LIPA: variants seen among roughly 807,000 people sequenced by gnomAD.
LIPA encodes the protein lysosomal acid lipase/cholesteryl ester hydrolase.
Under a neutral mutation model 40.6 loss-of-function variants are expected in LIPA, and 26 were observed. The ratio of observed to expected loss-of-function variants is 0.64; its 90% confidence interval spans 0.47 to 0.89. LIPA has a LOEUF of 0.89. Ranked by LOEUF, LIPA falls within the 40% of genes least tolerant of loss-of-function variation. The pLI, the probability that LIPA is intolerant of heterozygous loss-of-function variation, is 0.00. For missense variants in LIPA, 455 were observed against 479.6 expected (o/e 0.95, Z 0.48); for synonymous variants, 188 against 168.4 (o/e 1.12, Z -0.90).
chr10:89,223,165 T>C (rs1007994458), intron 7 of LIPA, among the ~76,000 whole-genome samples: 3 of 152,184 alleles, frequency 2.0e-5, no homozygotes, highest in African/African-American at 7.2e-5. Flanking sequence ...ATAGTAATTT[T>C]TGAAAATTTG....
intron 2 of LIPA, among the ~76,000 whole-genome samples, chr10:89,394,361 A>G (rs1844302350): frequency 6.6e-6 from 1 of 152,110 alleles, no homozygotes; most frequent in Non-Finnish European, 1.5e-5. Context: ...TACAATAAGG[A>G]ATCTTAGATT....
chr10:89,307,000 T>A, intron 1 of LIPA: 1 of 1,613,956 alleles, frequency 6.2e-7, no homozygotes, highest in Non-Finnish European at 8.5e-7. Flanking sequence ...CTCTAGCAGA[T>A]CAGTATGAAG....
chr10:89,283,059 C>T (rs1038100187), intron 1 of LIPA, among the ~76,000 whole-genome samples: 7 of 152,322 alleles, frequency 4.6e-5, no homozygotes, highest in African/African-American at 1.4e-4. Flanking sequence ...TTAAGTTTCA[C>T]TTAAAGCTGC....
intron 1 of LIPA, among the ~76,000 whole-genome samples, chr10:89,333,927 C>T (rs1843689692): frequency 1.3e-5 from 2 of 152,218 alleles, no homozygotes; most frequent in South Asian, 4.1e-4. Context: ...AGAAGTCCGG[C>T]TCTGGAGAGT....
intron 3 of LIPA, among the ~76,000 whole-genome samples, chr10:89,237,719 A>G (rs1589565763): frequency 6.6e-6 from 1 of 152,318 alleles, no homozygotes; most frequent in Non-Finnish European, 1.5e-5. Context: ...GGTTCCATTG[A>G]TGCTTTTTTC....
Position 89,223,771 on chromosome 10 carries a change from G to C in LIPA, c.735C>G (p.Thr245=). Residue 245 remains threonine, a synonymous_variant, in exon 7 of 10, where the codon ACC becomes ACG. Coordinates refer to ENST00000336233, the MANE Select transcript of LIPA (RefSeq NM_000235.4). ...TCAGTATGACATGAGTGCAAACGTG[G>C]GTACCCAGCCACTTCAAAAACGCAC... The part of the protein sequence containing the change: ...PQSAFLKWLG[T]HVCTHVILKE... The C allele has an allele frequency of 6.2e-7, 1 of 1,613,820 alleles. No individual in the cohort carries two copies. The highest frequency in any genetic ancestry group is 1.1e-5 in the South Asian group (1 of 91,066).
intron 1 of LIPA, among the ~76,000 whole-genome samples, chr10:89,331,300 T>C (rs1843647212): frequency 6.6e-6 from 1 of 152,080 alleles, no homozygotes; most frequent in African/African-American, 2.4e-5. Context: ...GCCTCCCAAG[T>C]AGCTGGGACT....
At chr10:89,331,746 T>C (rs6586183) in intron 1 of LIPA, among the ~76,000 whole-genome samples, 37,553 of 149,896 alleles carry the variant, frequency 0.25, 4,944 homozygotes, top group African/African-American at 0.32. Flanking sequence ...ATAGTCTCAT[T>C]GACTGGAGAG....
Position 89,399,119 on chromosome 10 carries a change from G to A in LIPA, c.61+13672C>T, listed in dbSNP as rs551182074. On this transcript the variant is annotated intron_variant, in intron 2 of 8. Transcript: ENST00000371837. ...TGGTTTTTATTTGCATTTCACTAAT[G>A]ATTAGTGATATTGAGCATCTTTGCA... Among the ~76,000 whole-genome samples, 4 of 152,104 alleles carry A rather than the reference G, an allele frequency of 2.6e-5. No homozygotes were observed. In the South Asian group the frequency reaches 8.3e-4, roughly 32 times the overall value.
chr10:89,340,924 C>T (rs1843862251), intron 1 of LIPA: 1 of 152,114 alleles, frequency 6.6e-6, no homozygotes, highest in African/African-American at 2.4e-5. Context: ...AATGTGTATT[C>T]CTGATAGTAA....
At chr10:89,401,173 G>A (rs1348983460) in intron 2 of LIPA, among the ~76,000 whole-genome samples, 1 of 150,578 alleles carries the variant, frequency 6.6e-6, no homozygotes, top group Non-Finnish European at 1.5e-5. Context: ...CCAGAGTGCA[G>A]TGGCGCGATC....
At chr10:89,241,433 C>T (rs3892343) in intron 3 of LIPA, among the ~76,000 whole-genome samples, 1 of 152,132 alleles carries the variant, frequency 6.6e-6, no homozygotes, top group Non-Finnish European at 1.5e-5. Context: ...AGATTACCAA[C>T]GCCTATGTGT....
intron 1 of LIPA, among the ~76,000 whole-genome samples, chr10:89,317,511 TA>T (rs1376601918): frequency 1.3e-5 from 2 of 151,972 alleles, no homozygotes. Context: ...AAGAGAAGTT[TA>T]GAGAAAAAAG....
intron 2 of LIPA, among the ~76,000 whole-genome samples, chr10:89,386,679 T>C (rs1844212362): frequency 6.6e-6 from 1 of 152,210 alleles, no homozygotes; most frequent in East Asian, 1.9e-4. Context: ...TCTGTAATTG[T>C]TAGTAAACTG....
chr10:89,334,783 G>A (rs1225922487), intron 1 of LIPA, among the ~76,000 whole-genome samples: 1 of 151,826 alleles, frequency 6.6e-6, no homozygotes, highest in Non-Finnish European at 1.5e-5. Flanking sequence ...GAGCCACCGC[G>A]CCCGGCCACC....
chr10:89,217,627 G>A (rs1842644156), intron 8 of LIPA, among the ~76,000 whole-genome samples: 1 of 152,184 alleles, frequency 6.6e-6, no homozygotes, highest in Admixed American at 6.5e-5. Flanking sequence ...AGGACTTCAA[G>A]CTATCCACTT....
chr10:89,384,656 A>G, intron 2 of LIPA: 1 of 1,614,218 alleles, frequency 6.2e-7, no homozygotes, highest in Non-Finnish European at 8.5e-7. Flanking sequence ...CTTATCCACA[A>G]ATTGAAAGGA....
At chr10:89,306,577 C>T (rs369534088) in intron 1 of LIPA, 68 of 1,614,012 alleles carry the variant, frequency 4.2e-5, no homozygotes, top group Non-Finnish European at 5.5e-5. Context: ...TGAATCCTGA[C>T]AACCAGTACC....
At chr10:89,293,698 G>C (rs1843391524) in intron 1 of LIPA, 1 of 151,978 alleles carries the variant, frequency 6.6e-6, no homozygotes, top group Non-Finnish European at 1.5e-5. Flanking sequence ...GAGAGAGAGA[G>C]AGAGAGAGAG....
Sources: gnomAD v4.1 joint callset for allele counts (sites outside exome capture counted in the v4.1 genomes callset) on GRCh38, gnomAD v4.1.1 for gene constraint, MANE v1.5 for transcripts, NCBI Gene and HGNC (gene_info 2026-07-23, HGNC 2026-07-21) for gene names.